Variants in CSMD3 observed in about 807,000 individuals in gnomAD.
CSMD3 encodes CUB and Sushi multiple domains 3.
A neutral mutation model predicts 435.2 loss-of-function variants in CSMD3; 177 were observed. That is an observed-to-expected ratio of 0.41 (90% CI 0.36 to 0.46). The LOEUF (loss-of-function observed/expected upper bound fraction) is 0.46. CSMD3 is among the 20% of genes least tolerant of loss of function. The probability of loss-of-function intolerance (pLI) is 0.34; values close to 1 mark genes in which losing one functional copy is unlikely to be tolerated. For synonymous variants in CSMD3, 1,656 were observed against 1,520.5 expected, an observed-to-expected ratio of 1.09 and a Z score of -2.07; for missense variants, 4,265 against 4,504.6, an observed-to-expected ratio of 0.95 and a Z score of 1.52.
chr8:112,338,011 TA>T (rs1211411051), intron 42 of CSMD3, among the ~76,000 whole-genome samples: 1 of 152,238 alleles, frequency 6.6e-6, no homozygotes, highest in African/African-American at 2.4e-5. Context: ...AATGAAAATG[TA>T]AACTCTTCTT....
chr8:112,875,725 G>A (rs999113702), intron 10 of CSMD3, among the ~76,000 whole-genome samples: 3 of 151,990 alleles, frequency 2.0e-5, no homozygotes, highest in Non-Finnish European at 2.9e-5. Flanking sequence ...TGATACTTGT[G>A]TATGCTTCAT....
chr8:113,163,601 T>C (rs1324413003), intron 4 of CSMD3, among the ~76,000 whole-genome samples: 1 of 152,044 alleles, frequency 6.6e-6, no homozygotes, highest in East Asian at 1.9e-4. Flanking sequence ...ATTAAGATAA[T>C]ATTAATGCAA....
chr8:113,312,446 A>C (rs553697559), intron 2 of CSMD3: 5 of 152,250 alleles, frequency 3.3e-5, no homozygotes, highest in African/African-American at 1.2e-4. Flanking sequence ...TATTATTCCC[A>C]ATTTACAGAT....
At chr8:112,506,919 CT>C in intron 28 of CSMD3, 90 bp from the exon 29 acceptor site, 1 of 1,162,086 alleles carries the variant, frequency 8.6e-7, no homozygotes, top group Non-Finnish European at 1.3e-6. Flanking sequence ...TCTAAAAGAG[CT>C]TATGAGGCTT....
intron 45 of CSMD3, among the ~76,000 whole-genome samples, chr8:112,332,593 T>C (rs765820780): frequency 5.3e-5 from 8 of 152,116 alleles, no homozygotes; most frequent in Non-Finnish European, 8.8e-5. Flanking sequence ...CTAGAGAAAT[T>C]TAAAGTATCA....
intron 22 of CSMD3, among the ~76,000 whole-genome samples, chr8:112,634,212 T>C (rs559196647): frequency 5.3e-5 from 8 of 151,590 alleles, no homozygotes; most frequent in Non-Finnish European, 1.0e-4. Context: ...ACAAATAACA[T>C]GCATTTTATG....
At chr8:113,008,880 T>C (rs537125980) in intron 6 of CSMD3, among the ~76,000 whole-genome samples, 3 of 151,328 alleles carry the variant, frequency 2.0e-5, no homozygotes, top group East Asian at 1.9e-4. Flanking sequence ...AAATAAACTA[T>C]TCCCATAGAA....
chr8:113,130,392 T>G (rs2091254842), intron 4 of CSMD3, among the ~76,000 whole-genome samples: 1 of 151,932 alleles, frequency 6.6e-6, no homozygotes, highest in Non-Finnish European at 1.5e-5. Context: ...GGTAAGTGAG[T>G]CATCACCAGA....
intron 4 of CSMD3, among the ~76,000 whole-genome samples, chr8:113,104,506 C>T (rs1474173901): frequency 6.6e-6 from 1 of 152,076 alleles, no homozygotes; most frequent in Admixed American, 6.5e-5. Flanking sequence ...AATAGTTCAA[C>T]TCTTTGCATT....
chr8:112,646,717 A>G (rs1226762017), intron 19 of CSMD3, among the ~76,000 whole-genome samples: 1 of 152,184 alleles, frequency 6.6e-6, no homozygotes, highest in Non-Finnish European at 1.5e-5. Flanking sequence ...ATATATTTTT[A>G]TAACAAAGTG....
intron 20 of CSMD3, among the ~76,000 whole-genome samples, chr8:112,641,426 GA>G (rs1419829589): frequency 2.6e-5 from 4 of 152,206 alleles, no homozygotes; most frequent in African/African-American, 9.6e-5. Context: ...AAAGGTACAT[GA>G]ACCAAAATTT....
At chr8:112,746,098 G>C (rs1364979967) in intron 13 of CSMD3, among the ~76,000 whole-genome samples, 1 of 152,078 alleles carries the variant, frequency 6.6e-6, no homozygotes, top group East Asian at 1.9e-4. Context: ...TGCAACTATA[G>C]TTTTATATGC....
intron 41 of CSMD3, among the ~76,000 whole-genome samples, chr8:112,345,472 A>G (rs62514412): frequency 0.39 from 59,683 of 151,906 alleles, 13,296 homozygotes; most frequent in Middle Eastern, 0.53. Flanking sequence ...CATTATGTTA[A>G]GTGCAATTAA....
intron 36 of CSMD3, among the ~76,000 whole-genome samples, chr8:112,390,439 G>C (rs1287764133): frequency 6.6e-6 from 1 of 152,138 alleles, no homozygotes; most frequent in East Asian, 1.9e-4. Context: ...AAGATTCCAT[G>C]TTATATGGGG....
At chr8:112,955,702 A>C (rs1217121254) in intron 7 of CSMD3, among the ~76,000 whole-genome samples, 1 of 151,874 alleles carries the variant, frequency 6.6e-6, no homozygotes, top group Non-Finnish European at 1.5e-5. Flanking sequence ...TCTTTTACAA[A>C]ACATGGTATA....
intron 3 of CSMD3, among the ~76,000 whole-genome samples, chr8:113,223,211 A>T (rs1302414289): frequency 6.6e-6 from 1 of 150,648 alleles, no homozygotes; most frequent in Non-Finnish European, 1.5e-5. Flanking sequence ...AATATTTACT[A>T]ATATTACTAA....
At chr8:112,903,174 A>G (rs2082156288) in intron 10 of CSMD3, among the ~76,000 whole-genome samples, 1 of 149,414 alleles carries the variant, frequency 6.7e-6, no homozygotes, top group Admixed American at 6.7e-5. Context: ...AAAAAAAAAA[A>G]AGAAAAGAAA....
intron 27 of CSMD3, among the ~76,000 whole-genome samples, chr8:112,533,515 C>A (rs575511222): frequency 6.6e-6 from 1 of 151,744 alleles, no homozygotes; most frequent in East Asian, 1.9e-4. Flanking sequence ...TGAAAAGATA[C>A]AAAGGAATTC....
At chr8:113,074,254 C>A (rs551201644) in intron 5 of CSMD3, among the ~76,000 whole-genome samples, 2 of 151,746 alleles carry the variant, frequency 1.3e-5, no homozygotes, top group Admixed American at 6.6e-5. Flanking sequence ...AAACTTCATT[C>A]TCACTGTTTC....
Sources: gnomAD v4.1 joint callset for allele counts (sites outside exome capture counted in the v4.1 genomes callset) on GRCh38, gnomAD v4.1.1 for gene constraint, MANE v1.5 for transcripts, NCBI Gene and HGNC (gene_info 2026-07-23, HGNC 2026-07-21) for gene names.